Variants in ELOB observed in about 807,000 individuals in gnomAD.
ELOB encodes elongin B.
In ELOB, 3 loss-of-function variants were observed where a neutral mutation model predicts 12.9. The observed-to-expected ratio is 0.23, with a 90% CI of 0.11 to 0.60. The LOEUF is 0.60. ELOB is among the 20% of genes least tolerant of loss of function. The probability of loss-of-function intolerance (pLI) is 0.89; values close to 1 mark genes in which losing one functional copy is unlikely to be tolerated. For synonymous variants in ELOB, 84 were observed against 67.4 expected, an observed-to-expected ratio of 1.25 and a Z score of -1.21; for missense variants, 126 against 159.2, an observed-to-expected ratio of 0.79 and a Z score of 1.12.
chr16:2,771,651 ATC>A lies in ELOB; in HGVS notation c.*337_*338del. On this transcript the variant is annotated 3_prime_UTR_variant, in exon 4 of 4. Transcript: ENST00000409906. ...AGAAGGAGAAAGGCCTAAAACTGGA[ATC>A]TCTTGTCCCTGAGGCTGGCTCTGGT... 1.2e-6 allele frequency: 2 copies of A among 1,611,972 alleles called. No individual in the cohort carries two copies. The highest frequency in any genetic ancestry group is 1.7e-6 in the Non-Finnish European group (2 of 1,179,286).
At chr16:2,773,639 G>C (rs892265628) in intron 3 of ELOB, among the ~76,000 whole-genome samples, 8 of 152,278 alleles carry the variant, frequency 5.3e-5, no homozygotes, top group Admixed American at 3.9e-4. Context: ...GACAGCCCAT[G>C]CTGTGCCCCC....
intron 3 of ELOB, 33 bp from the exon 4 acceptor site, chr16:2,772,135 ATTCCAGCTCTTGCCCCAGCTGGGGCC>A: frequency 6.4e-7 from 1 of 1,551,548 alleles, no homozygotes; most frequent in South Asian, 1.2e-5. Flanking sequence ...GCAGGGGGGT[ATTCCAGCTCTTGCCCCAGCTGGGGCC>A]TTGGTGTTCA....
At chr16:2,773,043 C>T (rs965996823) in intron 3 of ELOB, among the ~76,000 whole-genome samples, 18 of 152,204 alleles carry the variant, frequency 1.2e-4, no homozygotes, top group African/African-American at 3.6e-4. Context: ...ACTGGACAAA[C>T]TGCCCTTTTG....
In ELOB at chr16:2,775,551, G is replaced by A. The variant is rs1420547285; in HGVS notation, c.144C>T (p.Asp48=). 1.5e-5 allele frequency: 24 copies of A among 1,607,804 alleles called. 1 individual carries two copies. The highest frequency in any genetic ancestry group is 6.7e-5 in the East Asian group (3 of 44,798). The change falls in exon 3 of 4, where the codon GAC becomes GAT. Residue 48 remains aspartate (D), a synonymous_variant. Transcript: ENST00000409906. ...GTGTCTTGCCATCATCCAAGAGTTG[G>A]TCATCCTGAGGAGAGAAGCAGGATC... The part of the protein sequence containing the change: ...PPDEQRLYKD[D]QLLDDGKTLG...
At chr16:2,772,381 TGAGG>T in intron 3 of ELOB, 2 of 252,122 alleles carry the variant, frequency 7.9e-6, no homozygotes, top group Admixed American at 1.0e-4. Context: ...CTAGTGAGTC[TGAGG>T]GCTCACCATC....
At chr16:2,776,410 A>T (rs1249803557) in intron 2 of ELOB, among the ~76,000 whole-genome samples, 2 of 152,220 alleles carry the variant, frequency 1.3e-5, no homozygotes, top group African/African-American at 2.4e-5. Context: ...CCCAATGCAG[A>T]CCCCAAACCC....
chr16:2,771,998 C>G lies in ELOB; in HGVS notation c.349G>C (p.Val117Leu). ...DSGSSANEQAVQ is the reference protein window; with the variant it reads ...DSGSSANEQALQ ...GGGCCTCTTGGGGGTCCTCACTGCA[C>G]GGCTTGTTCATTGGCACTGCTTCCC... Residue 117 changes from valine (V) to leucine (L), a missense_variant, in exon 4 of 4, where the codon GTG becomes CTG. Coordinates refer to ENST00000409906, the MANE Select transcript of ELOB (RefSeq NM_007108.4). 1 of 1,611,794 alleles carries G rather than the reference C, an allele frequency of 6.2e-7. No homozygotes were observed. Among genetic ancestry groups the G allele is most frequent in the South Asian group, 1.1e-5 (1 of 90,896 alleles).
chr16:2,776,601 A>G (rs1274937932), intron 2 of ELOB, among the ~76,000 whole-genome samples: 1 of 152,214 alleles, frequency 6.6e-6, no homozygotes, highest in African/African-American at 2.4e-5. Flanking sequence ...CCGGGGGGAC[A>G]GCGTGATTCC....
In ELOB at chr16:2,777,221, C is replaced by A; in HGVS notation, c.3+16G>T. On this transcript the variant is annotated intron_variant, in intron 1 of 3. Coordinates refer to ENST00000409906, the MANE Select transcript of ELOB (RefSeq NM_007108.4). ...CCCCGGCCCGGCCCGGCCGCCCCTC[C>A]CCCACGCCCGCTCACCATCGCGGCT... is the stretch of plus-strand genomic sequence containing the variant. 9.9e-7 allele frequency: 1 copy of A among 1,011,912 alleles called. No homozygotes were observed. The highest frequency in any genetic ancestry group is 1.2e-6 in the Non-Finnish European group (1 of 847,592). 62.7% of individuals were successfully genotyped at this position (1,011,912 alleles called of 1,614,324 possible).
rs1166912332 is a variant in ELOB, at chr16:2,771,500, G to GT, written c.*489dup. 6 of 1,614,108 alleles carry GT rather than the reference G, an allele frequency of 3.7e-6. No individual in the cohort carries two copies. In the African/African-American group the frequency reaches 6.7e-5, roughly 18 times the overall value. On this transcript the variant is annotated 3_prime_UTR_variant, in exon 4 of 4. Coordinates refer to ENST00000409906, the MANE Select transcript of ELOB (RefSeq NM_007108.4). ...CAGCCCCCAGCGTGGGTGGACCTGTGTGGGTCCGTCTTGGGGTTCCCTCGT... is the reference window on the plus strand; with the variant it reads ...CAGCCCCCAGCGTGGGTGGACCTGTGTTGGGTCCGTCTTGGGGTTCCCTCGT...
chr16:2,777,037 C>G lies in ELOB; in HGVS notation c.94G>C (p.Glu32Gln). 6.2e-7 allele frequency: 1 copy of G among 1,606,056 alleles called. No individual in the cohort carries two copies. Among genetic ancestry groups the G allele is most frequent in the Non-Finnish European group, 8.5e-7 (1 of 1,177,528 alleles). Residue 32 changes from glutamate (E) to glutamine (Q), a missense_variant, in exon 2 of 4, where the codon GAG becomes CAG. Physicochemically the swap from Glu to Gln is conservative, Grantham distance 29. Coordinates refer to ENST00000409906, the MANE Select transcript of ELOB (RefSeq NM_007108.4). ...STVFELKRIV[E>Q]GILKRPPDEQ... ...TCAGGAGGCCGCTTGAGGATGCCCT[C>G]GACGATGCGCTTCAGTTCGAACACC...
Position 2,771,567 on chromosome 16 carries a change from TTC to T in ELOB, c.*421_*422del. ...CCAGGACACTGGCTCCAGCTTGTGT[TTC>T]TGCTCTTGGCCATCGTCTGGGAGTG... On this transcript the variant is annotated 3_prime_UTR_variant, in exon 4 of 4. Transcript: ENST00000409906. The T allele has an allele frequency of 6.2e-7, 1 of 1,614,152 alleles. No individual in the cohort carries two copies.
Position 2,771,625 on chromosome 16 carries a change from T to A in ELOB, c.*365A>T, listed in dbSNP as rs942436127. On this transcript the variant is annotated 3_prime_UTR_variant, in exon 4 of 4. Coordinates refer to ENST00000409906, the MANE Select transcript of ELOB (RefSeq NM_007108.4). Reference sequence around the variant, plus strand: ...GCAGGCTATGGGGGTGGGGGGCACTTAGAAGGAGAAAGGCCTAAAACTGGA... The same window carrying A: ...GCAGGCTATGGGGGTGGGGGGCACTAAGAAGGAGAAAGGCCTAAAACTGGA... 11 of 1,612,900 alleles carry A rather than the reference T, an allele frequency of 6.8e-6. No individual in the cohort carries two copies. The highest frequency in any genetic ancestry group is 4.0e-5 in the African/African-American group (3 of 74,866).
At position 2,775,432 on chromosome 16, in the gene ELOB, T is replaced by C. The variant is rs751637515; in HGVS notation, c.244+19A>G. 1 of 1,573,158 alleles carries C rather than the reference T, an allele frequency of 6.4e-7. No individual in the cohort carries two copies. Among genetic ancestry groups the C allele is most frequent in the South Asian group, 1.1e-5 (1 of 88,638 alleles). ...CCTGCTTGGCTACCACCCAGCCCAGTGGGTGGTGGGCCTCTCACCTGCCCG... is the reference window on the plus strand; with the variant it reads ...CCTGCTTGGCTACCACCCAGCCCAGCGGGTGGTGGGCCTCTCACCTGCCCG... On this transcript the variant is annotated intron_variant, in intron 3 of 3. Coordinates refer to ENST00000409906, the MANE Select transcript of ELOB (RefSeq NM_007108.4).
intron 3 of ELOB, 122 bp downstream of exon 3, chr16:2,775,329 T>C (rs1369750938): frequency 7.0e-6 from 4 of 573,602 alleles, no homozygotes; most frequent in African/African-American, 1.9e-5. Context: ...TGCCAGCCCT[T>C]TAGGCACGAG....
At chr16:2,773,990 G>A (rs2068784547) in intron 3 of ELOB, among the ~76,000 whole-genome samples, 1 of 152,200 alleles carries the variant, frequency 6.6e-6, no homozygotes, top group South Asian at 2.1e-4. Context: ...AGCACTTTGG[G>A]AGGCTGGGAT....
rs1276459684 is a variant in ELOB, at chr16:2,771,604, G to A, written c.*386C>T. On this transcript the variant is annotated 3_prime_UTR_variant, in exon 4 of 4. Coordinates refer to ENST00000409906, the MANE Select transcript of ELOB (RefSeq NM_007108.4). ...CCATCGTCTGGGAGTGGACATGCAG[G>A]CTATGGGGGTGGGGGGCACTTAGAA... The A allele has an allele frequency of 3.1e-6, 5 of 1,614,006 alleles. No individual in the cohort carries two copies. The highest frequency in any genetic ancestry group is 2.2e-5 in the East Asian group (1 of 44,896).
At chr16:2,775,789 G>A (rs142756913) in intron 2 of ELOB, among the ~76,000 whole-genome samples, 57 of 152,324 alleles carry the variant, frequency 3.7e-4, no homozygotes, top group African/African-American at 1.3e-3. Context: ...AATTCTCCAG[G>A]CAAATCTAAT....
chr16:2,774,251 G>A (rs1171825876), intron 3 of ELOB, among the ~76,000 whole-genome samples: 1 of 152,126 alleles, frequency 6.6e-6, no homozygotes, highest in African/African-American at 2.4e-5. Context: ...CAACAAAAAT[G>A]CACCCATGTA....
Sources: allele counts gnomAD v4.1 joint callset (sites outside exome capture counted in the v4.1 genomes callset), GRCh38; gene constraint gnomAD v4.1.1; transcripts MANE v1.5; gene names NCBI Gene and HGNC (gene_info 2026-07-23, HGNC 2026-07-21).